Variants in RPS4Y1 observed in about 807,000 individuals in gnomAD.
RPS4Y1 encodes the protein small ribosomal subunit protein eS4, Y isoform 1.
For missense variants in RPS4Y1, 30 were observed against 60.9 expected (o/e 0.49, Z 1.69); for synonymous variants, 23 against 20.8 (o/e 1.10, Z -0.28).
chrY:2,843,354 G>A (rs2051150549), intron 2 of RPS4Y1, among the ~76,000 whole-genome samples: 1 of 33,545 alleles, frequency 3.0e-5, no homozygotes, highest in African/African-American at 1.2e-4. Flanking sequence ...TCGCGAGTCC[G>A]TTTTAAGAGA....
intron 5 of RPS4Y1, among the ~76,000 whole-genome samples, 189 bp from the exon 6 acceptor site, chrY:2,864,899 T>A: frequency 3.0e-5 from 1 of 33,883 alleles, no homozygotes; most frequent in South Asian, 6.5e-4. Flanking sequence ...TGCCTTTAAA[T>A]GCTGACTGCA....
chrY:2,855,067 A>G (rs2051159085), intron 5 of RPS4Y1, among the ~76,000 whole-genome samples: 1 of 33,085 alleles, frequency 3.0e-5, no homozygotes, highest in Non-Finnish European at 7.4e-5. Flanking sequence ...GAAGAGGGGA[A>G]CTTTGTTTTA....
chrY:2,854,454 G>A (rs2051158349), intron 4 of RPS4Y1, 146 bp from the exon 5 acceptor site: 9 of 163,662 alleles, frequency 5.5e-5, no homozygotes, highest in Non-Finnish European at 1.2e-5. Flanking sequence ...TCAGCTCTGT[G>A]ACTGGTTAAT....
intron 5 of RPS4Y1, among the ~76,000 whole-genome samples, chrY:2,862,540 A>G (rs2051164399): frequency 1.2e-4 from 4 of 33,654 alleles, no homozygotes; most frequent in Non-Finnish European, 2.9e-4. Flanking sequence ...TTACTCTGCA[A>G]AGGTGGGCTT....
In RPS4Y1 at chrY:2,866,918, T is replaced by C; in HGVS notation, c.*24T>C. The C allele has an allele frequency of 3.4e-6, 1 of 294,317 alleles. No individual in the cohort carries two copies. The highest frequency in any genetic ancestry group is 7.6e-5 in the Admixed American group (1 of 13,083). The allele number at this position is 294,317 out of a possible 400,897, so 73.4% of individuals were successfully genotyped here. ...AAATTGCAGTAGCAGCATATCTTTT[T>C]TTCTTTGCACAAATAAACAGTGAAT... is the stretch of plus-strand genomic sequence containing the variant. On this transcript the variant is annotated 3_prime_UTR_variant, in exon 7 of 7. Transcript: ENST00000250784.
At chrY:2,853,390 T>C (rs2051157431) in intron 4 of RPS4Y1, among the ~76,000 whole-genome samples, 1 of 33,797 alleles carries the variant, frequency 3.0e-5, no homozygotes, top group Admixed American at 2.7e-4. Context: ...TCAGTTTAAA[T>C]GTGGAGTTTT....
chrY:2,851,106 G>A, intron 4 of RPS4Y1, among the ~76,000 whole-genome samples: 1 of 32,226 alleles, frequency 3.1e-5, no homozygotes, highest in African/African-American at 1.2e-4. Context: ...GCCTCCCAAA[G>A]TGCTGGGATT....
chrY:2,856,671 A>G, intron 5 of RPS4Y1, among the ~76,000 whole-genome samples: 1 of 31,130 alleles, frequency 3.2e-5, no homozygotes, highest in African/African-American at 1.3e-4. Flanking sequence ...GTCTCGGCTC[A>G]CTGCAACCTC....
At chrY:2,841,719 C>T in intron 1 of RPS4Y1, 92 bp downstream of exon 1, 1 of 294,612 alleles carries the variant, frequency 3.4e-6, no homozygotes, top group Non-Finnish European at 5.2e-6. Context: ...TTTTCGGTCG[C>T]CCCTACTTGG....
At chrY:2,864,348 G>A in intron 5 of RPS4Y1, among the ~76,000 whole-genome samples, 1 of 32,462 alleles carries the variant, frequency 3.1e-5, no homozygotes, top group South Asian at 6.9e-4. Flanking sequence ...TCTGGCTTTG[G>A]TGGTGTGTCT....
chrY:2,857,205 T>C (rs2051160555), intron 5 of RPS4Y1, among the ~76,000 whole-genome samples: 2 of 33,997 alleles, frequency 5.9e-5, no homozygotes, highest in African/African-American at 1.2e-4. Context: ...CTCTTTCATC[T>C]TGTTAAACTG....
chrY:2,866,157 C>G, intron 6 of RPS4Y1, among the ~76,000 whole-genome samples: 1 of 34,342 alleles, frequency 2.9e-5, no homozygotes, highest in Non-Finnish European at 7.3e-5. Context: ...GCAGGGATTA[C>G]AGATGTGGGC....
intron 4 of RPS4Y1, among the ~76,000 whole-genome samples, chrY:2,848,994 C>A: frequency 9.2e-5 from 3 of 32,479 alleles, no homozygotes; most frequent in African/African-American, 3.6e-4. Flanking sequence ...TTATATCACT[C>A]TGTATGCCTT....
intron 6 of RPS4Y1, 21 bp downstream of exon 6, chrY:2,865,266 A>G (rs761477773): frequency 2.6e-6 from 1 of 384,241 alleles, no homozygotes; most frequent in East Asian, 9.3e-5. Flanking sequence ...CACTCTCTTT[A>G]CTTCTTTCTA....
At chrY:2,852,228 G>T in intron 4 of RPS4Y1, among the ~76,000 whole-genome samples, 1 of 33,448 alleles carries the variant, frequency 3.0e-5, no homozygotes, top group Non-Finnish European at 7.4e-5. Context: ...TGTCCTTTAG[G>T]GCCAAGTTCT....
intron 4 of RPS4Y1, among the ~76,000 whole-genome samples, chrY:2,847,004 C>T (rs2051153054): frequency 3.0e-5 from 1 of 33,815 alleles, no homozygotes; most frequent in Non-Finnish European, 7.4e-5. Context: ...AATGGTTGCC[C>T]TGGGTTACGG....
intron 4 of RPS4Y1, among the ~76,000 whole-genome samples, chrY:2,850,971 G>A: frequency 3.9e-5 from 1 of 25,468 alleles, no homozygotes; most frequent in Non-Finnish European, 9.3e-5. Flanking sequence ...AGCCTCCCAA[G>A]TAGCTGGGAC....
chrY:2,859,025 C>T (rs111506207), intron 5 of RPS4Y1, among the ~76,000 whole-genome samples: 11 of 33,372 alleles, frequency 3.3e-4, no homozygotes, highest in African/African-American at 8.2e-4. Context: ...GCTGCCTTGT[C>T]TTGTGTGACA....
At chrY:2,863,653 AC>A (rs2051165155) in intron 5 of RPS4Y1, among the ~76,000 whole-genome samples, 1 of 33,500 alleles carries the variant, frequency 3.0e-5, no homozygotes, top group African/African-American at 1.2e-4. Context: ...TTAACTCCAA[AC>A]CTAACTTAAC....
Sources: allele counts gnomAD v4.1 joint callset (sites outside exome capture counted in the v4.1 genomes callset), GRCh38; gene constraint gnomAD v4.1.1; transcripts MANE v1.5; gene names NCBI Gene and HGNC (gene_info 2026-07-23, HGNC 2026-07-21).